Variants in TUFM observed in about 807,000 individuals in gnomAD.
The protein encoded by TUFM is elongation factor Tu, mitochondrial.
A neutral mutation model predicts 45.0 loss-of-function variants in TUFM; 23 were observed. That is an observed-to-expected ratio of 0.51 (90% CI 0.37 to 0.72). The LOEUF (loss-of-function observed/expected upper bound fraction) is 0.72. TUFM is among the 30% of genes least tolerant of loss of function. The pLI, the probability that TUFM is intolerant of heterozygous loss-of-function variation, is 0.00. For missense variants in TUFM, 490 were observed against 610.7 expected (o/e 0.80, Z 2.08); for synonymous variants, 243 against 252.9 (o/e 0.96, Z 0.37).
chr16:28,845,066 G>A lies in TUFM; in HGVS notation c.415-11C>T, dbSNP rs369587343. On this transcript the variant is annotated splice_polypyrimidine_tract_variant and intron_variant, in intron 3 of 9. Coordinates refer to ENST00000313511, the MANE Select transcript of TUFM (RefSeq NM_003321.5). ...GCCTGTGATCATATTCTGGAGAGGA[G>A]AAGGAAAGGAAACAGCCAAGTTCAA... 4.1e-5 allele frequency: 66 copies of A among 1,613,644 alleles called. No individual in the cohort carries two copies. The highest frequency in any genetic ancestry group is 5.3e-5 in the Non-Finnish European group (62 of 1,179,838).
Position 28,844,057 on chromosome 16 carries a change from C to A in TUFM, c.967G>T (p.Asp323Tyr), listed in dbSNP as rs748263828. ...CCTCGGACCAGGGCCCCGAGGTTAT[C>A]TCCGGCCTCGGCCCTCTCCAGGCTC... ...HKSLERAEAG[D>Y]NLGALVRGLK... is the part of the protein sequence containing the mutation. Residue 323 changes from aspartate (D) to tyrosine (Y), a missense_variant, in exon 8 of 10, where the codon GAT becomes TAT. Asp to Tyr is a radical substitution (Grantham distance 160). Coordinates refer to ENST00000313511, the MANE Select transcript of TUFM (RefSeq NM_003321.5). This position sits in a 1 kb window ranked among gnomAD's most constrained non-coding sequence, Gnocchi z 5.8. The A allele has an allele frequency of 1.2e-6, 2 of 1,614,238 alleles. No individual in the cohort carries two copies. The highest frequency in any genetic ancestry group is 1.7e-6 in the Non-Finnish European group (2 of 1,180,050).
Position 28,842,938 on chromosome 16 carries a change from C to G in TUFM, c.*37G>C. On this transcript the variant is annotated 3_prime_UTR_variant, in exon 10 of 10. Transcript: ENST00000313511. ...GGAGGGAGCCCTGGCTAGGGCAGGC[C>G]TTAAACGCAAGGGAAGCTGAGCAGA... 2 of 1,613,026 alleles carry G rather than the reference C, an allele frequency of 1.2e-6. No individual in the cohort carries two copies. Among genetic ancestry groups the G allele is most frequent in the Non-Finnish European group, 1.7e-6 (2 of 1,179,882 alleles).
rs781138937 is a variant in TUFM at position 28,843,844 on chromosome 16, G to A, written c.1086C>T (p.Leu362=). 1 of 1,614,180 alleles carries A rather than the reference G, an allele frequency of 6.2e-7. No homozygotes were observed. The highest frequency in any genetic ancestry group is 8.5e-7 in the Non-Finnish European group (1 of 1,180,040). Reference sequence around the variant, plus strand: ...TGTGGCGGCCACCTTCCTCCTTGCTGAGGATGTAAACCTGGAGGAGAGCAA... The same window carrying A: ...TGTGGCGGCCACCTTCCTCCTTGCTAAGGATGTAAACCTGGAGGAGAGCAA... ...HQKVEAQVYI[L]SKEEGGRHKP... Residue 362 remains leucine (L), a synonymous_variant, in exon 9 of 10, where the codon CTC becomes CTT. Coordinates refer to ENST00000313511, the MANE Select transcript of TUFM (RefSeq NM_003321.5).
chr16:28,843,703 CCCTCCA>C (rs1211461870), intron 9 of TUFM, 27 bp downstream of exon 9: 2 of 1,611,704 alleles, frequency 1.2e-6, no homozygotes, highest in Non-Finnish European at 1.7e-6. Context: ...AAAAAGTCCC[CCCTCCA>C]CCCTACATTC....
intron 2 of TUFM, 148 bp downstream of exon 2, chr16:28,845,764 T>C: frequency 9.8e-7 from 1 of 1,024,852 alleles, no homozygotes; most frequent in South Asian, 1.4e-5. Context: ...GAAATTTGTC[T>C]CTTGCATCTC....
chr16:28,845,389 C>A lies in TUFM; in HGVS notation c.339G>T (p.Ala113=), dbSNP rs561694852. 1 of 1,613,958 alleles carries A rather than the reference C, an allele frequency of 6.2e-7. No individual in the cohort carries two copies. Among genetic ancestry groups the A allele is most frequent in the African/African-American group, 1.3e-5 (1 of 74,884 alleles). ...EERARGITIN[A]AHVEYSTAAR... is the part of the protein sequence containing the mutation. ...CGGCAGTGCTATACTCCACATGAGC[C>A]GCATTGATGGTGATACCCCGAGCTC... Residue 113 remains alanine, a synonymous_variant, in exon 3 of 10, where the codon GCG becomes GCT. Coordinates refer to ENST00000313511, the MANE Select transcript of TUFM (RefSeq NM_003321.5).
Position 28,845,371 on chromosome 16 carries a change from G to C in TUFM, c.357C>G (p.Ser119Arg). Residue 119 changes from serine to arginine, a missense_variant, in exon 3 of 10, where the codon AGC becomes AGG. Coordinates refer to ENST00000313511, the MANE Select transcript of TUFM (RefSeq NM_003321.5). ...TGTGGGCGTAGTGGCGGGCGGCAGT[G>C]CTATACTCCACATGAGCCGCATTGA... ...ITINAAHVEY[S>R]TAARHYAHTD... 1 of 1,614,018 alleles carries C rather than the reference G, an allele frequency of 6.2e-7. No homozygotes were observed. The highest frequency in any genetic ancestry group is 8.5e-7 in the Non-Finnish European group (1 of 1,180,012).
At chr16:28,843,613 C>A in intron 9 of TUFM, 123 bp downstream of exon 9, 1 of 1,411,876 alleles carries the variant, frequency 7.1e-7, no homozygotes, top group Non-Finnish European at 9.7e-7. Context: ...CGGCAAGCAG[C>A]CCCTTTCCAC....
At position 28,844,863 on chromosome 16, in the gene TUFM, C is replaced by G. The variant is rs1417150857; in HGVS notation, c.520-1G>C. 2 of 1,614,106 alleles carry G rather than the reference C, an allele frequency of 1.2e-6. No homozygotes were observed. The highest frequency in any genetic ancestry group is 3.3e-5 in the Admixed American group (2 of 60,000). ...ACACCACCACATGCTCCACCCCAAT[C>G]TGTAGATGCCAGAGAGACAGGGACA... On this transcript the variant is annotated splice_acceptor_variant, in intron 4 of 9. Coordinates refer to ENST00000313511, the MANE Select transcript of TUFM (RefSeq NM_003321.5). LOFTEE classifies it high-confidence loss of function. This position sits in a 1 kb window ranked among gnomAD's most constrained non-coding sequence, Gnocchi z 5.8.
At chr16:28,845,087 T>C (rs1961904222) in intron 3 of TUFM, 32 bp from the exon 4 acceptor site, 2 of 1,610,210 alleles carry the variant, frequency 1.2e-6, no homozygotes, top group Non-Finnish European at 1.7e-6. Context: ...AACAGCCAAG[T>C]TCAACGAGCT....
rs1344664668 is a variant in TUFM at position 28,844,714 on chromosome 16, G to T, written c.668C>A (p.Ala223Asp). ...GEETPVIVGS[A>D]LCALEGRDPE... ...CGCGTTCACCTCAAGGGCACAGAGA[G>T]CAGAGCCTACGATGACTGGGGTCTC... Residue 223 changes from alanine (A) to aspartate (D), a missense_variant, in exon 5 of 10, where the codon GCT (alanine) becomes GAT (aspartate). Transcript: ENST00000313511. The surrounding 1 kb of genome is among the most constrained non-coding windows in gnomAD (Gnocchi z 5.8). The T allele has an allele frequency of 6.2e-7, 1 of 1,614,070 alleles. No individual in the cohort carries two copies. Among genetic ancestry groups the T allele is most frequent in the Admixed American group, 1.7e-5 (1 of 60,002 alleles).
Position 28,843,160 on chromosome 16 carries a change from A to G in TUFM, c.1195-12T>C, listed in dbSNP as rs768476195. On this transcript the variant is annotated splice_polypyrimidine_tract_variant and intron_variant, in intron 9 of 9. Coordinates refer to ENST00000313511, the MANE Select transcript of TUFM (RefSeq NM_003321.5). ...GGCATGGCAAGCTCCTAGAGTAGGA[A>G]GAGAAGGATCATGCGTGGCCTCCAG... 1 of 1,614,014 alleles carries G rather than the reference A, an allele frequency of 6.2e-7. No homozygotes were observed. The highest frequency in any genetic ancestry group is 2.2e-5 in the East Asian group (1 of 44,892).
In TUFM at chr16:28,844,789, A is replaced by G; in HGVS notation, c.593T>C (p.Val198Ala). The part of the protein sequence containing the change: ...AVQDSEMVEL[V>A]ELEIRELLTE... ...GAGCAGCTCCCGGATCTCCAGTTCC[A>G]CCAGTTCCACCATCTCAGAGTCCTG... The change falls in exon 5 of 10, where the codon GTG becomes GCG. Residue 198 changes from valine (V) to alanine (A), a missense_variant. Coordinates refer to ENST00000313511, the MANE Select transcript of TUFM (RefSeq NM_003321.5). The surrounding 1 kb of genome is among the most constrained non-coding windows in gnomAD (Gnocchi z 5.8). The G allele has an allele frequency of 1.2e-6, 2 of 1,613,966 alleles. No individual in the cohort carries two copies. Among genetic ancestry groups the G allele is most frequent in the African/African-American group, 2.7e-5 (2 of 74,970 alleles).
rs117782882 is a variant in TUFM, at chr16:28,844,690, G to A, written c.684+8C>T. ...TGCAGCAGCTGCCCTGCCTGACCCC[G>A]CGTTCACCTCAAGGGCACAGAGAGC... On this transcript the variant is annotated splice_region_variant and intron_variant, in intron 5 of 9. Coordinates refer to ENST00000313511, the MANE Select transcript of TUFM (RefSeq NM_003321.5). The surrounding 1 kb of genome is among the most constrained non-coding windows in gnomAD (Gnocchi z 5.8). The A allele has an allele frequency of 9.6e-5, 155 of 1,614,112 alleles. 1 individual carries two copies. The East Asian group carries it at 2.8e-3, about 29-fold the overall frequency.
rs773652230 is a variant in TUFM, at chr16:28,845,972, C to T, written c.187G>A (p.Val63Met). ...TGGTCCACATGGCCGATGGTACCCA[C>T]ATTCACATGTGGCTTGTCGCGCACG... Reference protein sequence around the residue: ...TYVRDKPHVNVGTIGHVDHGK... With the variant: ...TYVRDKPHVNMGTIGHVDHGK... Residue 63 changes from valine to methionine, a missense_variant, in exon 2 of 10, where the codon GTG becomes ATG. Coordinates refer to ENST00000313511, the MANE Select transcript of TUFM (RefSeq NM_003321.5). The T allele has an allele frequency of 6.2e-7, 1 of 1,614,092 alleles. No homozygotes were observed.
In TUFM at chr16:28,843,766, C is replaced by G; in HGVS notation, c.1164G>C (p.Met388Ile). Reference protein sequence around the residue: ...MPVMFSLTWDMACRIILPPEK... With the variant: ...MPVMFSLTWDIACRIILPPEK... ...CTGGGGGCAGGATAATCCGACAGGCCATGTCCCAAGTCAGGGAGAACATGA... is the reference window on the plus strand; with the variant it reads ...CTGGGGGCAGGATAATCCGACAGGCGATGTCCCAAGTCAGGGAGAACATGA... The change falls in exon 9 of 10, where the codon ATG becomes ATC. Residue 388 changes from methionine to isoleucine, a missense_variant. By Grantham distance (10) the Met-to-Ile change is conservative. Transcript: ENST00000313511. 6.2e-7 allele frequency: 1 copy of G among 1,613,562 alleles called. No homozygotes were observed. The highest frequency in any genetic ancestry group is 8.5e-7 in the Non-Finnish European group (1 of 1,179,986).
chr16:28,845,364 C>T lies in TUFM; in HGVS notation c.364G>A (p.Ala122Thr). The part of the protein sequence containing the change: ...NAAHVEYSTA[A>T]RHYAHTDCPG... ...CAGTCTGTGTGGGCGTAGTGGCGGGCGGCAGTGCTATACTCCACATGAGCC... is the reference window on the plus strand; with the variant it reads ...CAGTCTGTGTGGGCGTAGTGGCGGGTGGCAGTGCTATACTCCACATGAGCC... Residue 122 changes from alanine to threonine, a missense_variant, in exon 3 of 10, where the codon GCC becomes ACC. Coordinates refer to ENST00000313511, the MANE Select transcript of TUFM (RefSeq NM_003321.5). The T allele has an allele frequency of 3.1e-6, 5 of 1,613,230 alleles. 1 individual carries two copies. The highest frequency in any genetic ancestry group is 2.2e-5 in the South Asian group (2 of 91,044).
chr16:28,842,991 T>A lies in TUFM; in HGVS notation c.1352A>T (p.Asn451Ile). 4.3e-6 allele frequency: 7 copies of A among 1,614,186 alleles called. No individual in the cohort carries two copies. The highest frequency in any genetic ancestry group is 5.9e-6 in the Non-Finnish European group (7 of 1,180,016). The change falls in exon 10 of 10, where the codon AAT becomes ATT. Residue 451 changes from asparagine to isoleucine, a missense_variant. Transcript: ENST00000313511. ...NTLAMTEEEK[N>I]IKWG ...TCTGCACACTCAACCCCATTTGATA[T>A]TCTTCTCCTCCTCAGTCATGGCCAG...
In TUFM at chr16:28,842,910, G is replaced by C. The variant is rs754579415; in HGVS notation, c.*65C>G. The C allele has an allele frequency of 6.3e-7, 1 of 1,598,424 alleles. No homozygotes were observed. Among genetic ancestry groups the C allele is most frequent in the African/African-American group, 1.3e-5 (1 of 74,670 alleles). The stretch of plus-strand genomic sequence containing the variant: ...CCTATGCCATGAGAGGGTACTGGAA[G>C]CAGGAGGGAGCCCTGGCTAGGGCAG... On this transcript the variant is annotated 3_prime_UTR_variant, in exon 10 of 10. Transcript: ENST00000313511.
Sources: allele counts gnomAD v4.1 joint callset, GRCh38; gene constraint gnomAD v4.1.1; non-coding constraint Gnocchi (gnomAD v3.1); transcripts MANE v1.5; gene names NCBI Gene and HGNC (gene_info 2026-07-23, HGNC 2026-07-21).